LSAMP: variants seen among roughly 807,000 people sequenced by gnomAD.
LSAMP encodes the protein limbic system associated membrane protein, also known as limbic system-associated membrane protein.
In LSAMP, 7 loss-of-function variants were observed where a neutral mutation model predicts 38.6. The ratio of observed to expected loss-of-function variants is 0.18; its 90% CI spans 0.10 to 0.34. The LOEUF (loss-of-function observed/expected upper bound fraction) is 0.34, where lower values mean the gene tolerates loss of function less well. Among genes scored for constraint, LSAMP ranks in the 10% least tolerant of loss-of-function variants. The probability of loss-of-function intolerance (pLI) is 1.00; values close to 1 mark genes in which losing one functional copy is unlikely to be tolerated. For missense variants in LSAMP, 313 were observed against 420.0 expected, an observed-to-expected ratio of 0.75 and a Z score of 2.23; for synonymous variants, 154 against 166.8, an observed-to-expected ratio of 0.92 and a Z score of 0.59.
chr3:116,286,272 T>G (rs2047193554), intron 1 of LSAMP, among the ~76,000 whole-genome samples: 1 of 152,180 alleles, frequency 6.6e-6, no homozygotes, highest in Non-Finnish European at 1.5e-5. Context: ...CATGTGTAAA[T>G]ATGTGCAAAT....
chr3:115,963,366 T>C (rs1320229914), intron 3 of LSAMP, among the ~76,000 whole-genome samples: 2 of 152,268 alleles, frequency 1.3e-5, no homozygotes, highest in South Asian at 2.1e-4. Context: ...TTCTTTTGAA[T>C]CTTCTCAGAG....
chr3:115,844,860 C>A (rs925518357), intron 4 of LSAMP, among the ~76,000 whole-genome samples: 1 of 152,004 alleles, frequency 6.6e-6, no homozygotes, highest in South Asian at 2.1e-4. Flanking sequence ...ACCTGTAGTC[C>A]CAGCTACTCG....
At chr3:116,129,078 T>C (rs771814463) in intron 1 of LSAMP, among the ~76,000 whole-genome samples, 1 of 152,192 alleles carries the variant, frequency 6.6e-6, no homozygotes, top group Non-Finnish European at 1.5e-5. Context: ...ACTAACTATA[T>C]TTACATTAAA....
At chr3:115,948,530 C>A (rs1938176428) in intron 3 of LSAMP, among the ~76,000 whole-genome samples, 1 of 152,128 alleles carries the variant, frequency 6.6e-6, no homozygotes, top group Non-Finnish European at 1.5e-5. Context: ...CCTGAATGAT[C>A]TTTAAGTCAA....
rs1933611605 is a variant in LSAMP at position 115,805,548 on chromosome 3, T to C, written c.*4769A>G. The C allele has an allele frequency of 1.3e-5, 2 of 152,304 alleles. No homozygotes were observed. The highest frequency in any genetic ancestry group is 4.1e-4 in the South Asian group (2 of 4,830). 9.4% of individuals were successfully genotyped at this position (152,304 alleles called of 1,614,324 possible). ...TATTAATCAGCACGCAGCATGTAAA[T>C]GTGCTCAAAAGAAATCAAGGTTTAA... On this transcript the variant is annotated 3_prime_UTR_variant, in exon 7 of 7. Coordinates refer to ENST00000490035, the MANE Select transcript of LSAMP (RefSeq NM_002338.5).
At position 116,166,978 on chromosome 3, in the gene LSAMP, A is replaced by G. The variant is rs550778468; in HGVS notation, c.156-80422T>C. ...GCTAATTTTTTTGTATTTTTAGTAGAGACGGGGTTTCACCGTGTTAGCCAG... is the reference window on the plus strand; with the variant it reads ...GCTAATTTTTTTGTATTTTTAGTAGGGACGGGGTTTCACCGTGTTAGCCAG... On this transcript the variant is annotated intron_variant, in intron 1 of 6. Transcript: ENST00000490035. Among the ~76,000 whole-genome samples, 50 of 151,914 alleles carry G rather than the reference A, an allele frequency of 3.3e-4. No individual in the cohort carries two copies. In the South Asian group the frequency reaches 9.8e-3, roughly 30 times the overall value.
At chr3:116,026,960 G>A (rs1265523226) in intron 2 of LSAMP, among the ~76,000 whole-genome samples, 3 of 152,226 alleles carry the variant, frequency 2.0e-5, no homozygotes, top group East Asian at 3.8e-4. Context: ...AATCCCAGGA[G>A]AAGGATGGGA....
chr3:116,225,532 G>A (rs574666986), intron 1 of LSAMP, among the ~76,000 whole-genome samples: 2 of 152,074 alleles, frequency 1.3e-5, no homozygotes, highest in Non-Finnish European at 2.9e-5. Context: ...TCTAGTAAAC[G>A]TTATTACAAA....
chr3:116,232,695 C>CT (rs1358749128), intron 1 of LSAMP, among the ~76,000 whole-genome samples: 7 of 27,304 alleles, frequency 2.6e-4, no homozygotes, highest in Admixed American at 4.8e-4. Flanking sequence ...TTCTTTCTTT[C>CT]TTTCTTTTTT....
intron 1 of LSAMP, among the ~76,000 whole-genome samples, chr3:116,433,775 C>T (rs1181126839): frequency 6.6e-6 from 1 of 152,112 alleles, no homozygotes; most frequent in Non-Finnish European, 1.5e-5. Flanking sequence ...GGGAGAAAGC[C>T]ACCTAGCTCT....
At chr3:116,174,408 A>C (rs940050770) in intron 1 of LSAMP, among the ~76,000 whole-genome samples, 2 of 151,910 alleles carry the variant, frequency 1.3e-5, no homozygotes, top group Non-Finnish European at 2.9e-5. Context: ...TAAGACTATT[A>C]TTCTCTCTTG....
chr3:115,982,912 C>T (rs956020292), intron 3 of LSAMP, among the ~76,000 whole-genome samples: 3 of 145,394 alleles, frequency 2.1e-5, no homozygotes, highest in African/African-American at 7.6e-5. Context: ...CCGTCTTAAC[C>T]AATCATTGCC....
At chr3:116,435,202 G>A (rs1414140328) in intron 1 of LSAMP, among the ~76,000 whole-genome samples, 1 of 152,138 alleles carries the variant, frequency 6.6e-6, no homozygotes, top group Non-Finnish European at 1.5e-5. Flanking sequence ...CTTTGGTACA[G>A]AGCTTCAGCT....
chr3:116,344,847 G>T (rs747726029), intron 1 of LSAMP, among the ~76,000 whole-genome samples: 31 of 152,096 alleles, frequency 2.0e-4, no homozygotes, highest in Admixed American at 3.9e-4. Context: ...AAAGTTTCCA[G>T]CAAGAATCAA....
chr3:116,326,333 T>C (rs958850820), intron 1 of LSAMP, among the ~76,000 whole-genome samples: 4 of 152,270 alleles, frequency 2.6e-5, no homozygotes, highest in Admixed American at 1.3e-4. Context: ...TTGTTTTTCC[T>C]GGCTATTTTT....
chr3:115,923,892 T>C (rs935176287), intron 3 of LSAMP, among the ~76,000 whole-genome samples: 1 of 152,344 alleles, frequency 6.6e-6, no homozygotes, highest in South Asian at 2.1e-4. Context: ...TGTATTATAA[T>C]AGGTTTTTAT....
intron 1 of LSAMP, among the ~76,000 whole-genome samples, chr3:116,146,272 T>C (rs1021175382): frequency 3.9e-5 from 6 of 151,974 alleles, no homozygotes; most frequent in African/African-American, 1.4e-4. Context: ...TATCTTGTCA[T>C]GTATGGCATC....
At chr3:116,044,714 T>C (rs1194714856) in intron 2 of LSAMP, among the ~76,000 whole-genome samples, 11 of 152,004 alleles carry the variant, frequency 7.2e-5, no homozygotes, top group Admixed American at 6.5e-4. Flanking sequence ...GTAATTCATA[T>C]ATCACAATCC....
chr3:116,276,521 C>A (rs1037506674), intron 1 of LSAMP, among the ~76,000 whole-genome samples: 4 of 150,970 alleles, frequency 2.6e-5, no homozygotes, highest in African/African-American at 7.3e-5. Context: ...TGGGGACTTG[C>A]AGGGAAGGGT....
Sources: gnomAD v4.1 joint callset for allele counts (sites outside exome capture counted in the v4.1 genomes callset) on GRCh38, gnomAD v4.1.1 for gene constraint, MANE v1.5 for transcripts, NCBI Gene and HGNC (gene_info 2026-07-23, HGNC 2026-07-21) for gene names.